Variants in MAPK10 observed in about 807,000 individuals in gnomAD.
MAPK10 encodes the protein mitogen-activated protein kinase 10.
MAPK10 carries 25 observed loss-of-function variants against 59.3 expected under a neutral mutation model. The ratio of observed to expected loss-of-function variants is 0.42; its 90% CI spans 0.31 to 0.59. MAPK10 has a LOEUF of 0.59. MAPK10 is among the 20% of genes least tolerant of loss of function. The pLI is 0.15. For missense variants in MAPK10, 351 were observed against 568.9 expected, an observed-to-expected ratio of 0.62 and a Z score of 3.90; for synonymous variants, 190 against 200.5, an observed-to-expected ratio of 0.95 and a Z score of 0.44.
intron 11 of MAPK10, among the ~76,000 whole-genome samples, chr4:86,037,340 G>A (rs1578942491): frequency 6.6e-6 from 1 of 152,078 alleles, no homozygotes; most frequent in South Asian, 2.1e-4. Context: ...CTAACACAGT[G>A]AAACCCCATC....
chr4:86,384,049 CAGA>C (rs1194958355), intron 1 of MAPK10: 1 of 152,154 alleles, frequency 6.6e-6, no homozygotes, highest in African/African-American at 2.4e-5. Flanking sequence ...ATAGTTTCTA[CAGA>C]ACATTTAAAT....
intron 11 of MAPK10, among the ~76,000 whole-genome samples, chr4:86,063,407 T>C (rs954407101): frequency 3.3e-5 from 5 of 152,114 alleles, no homozygotes; most frequent in African/African-American, 1.2e-4. Flanking sequence ...TGTAAAAAAA[T>C]ATGAGATGCT....
At chr4:86,074,031 GTC>G (rs2048652411) in intron 9 of MAPK10, among the ~76,000 whole-genome samples, 2 of 94,924 alleles carry the variant, frequency 2.1e-5, no homozygotes, top group Non-Finnish European at 4.4e-5. Context: ...GGGAGTCTAA[GTC>G]TCTTTGTAGG....
At chr4:86,079,801 A>G (rs183273311) in intron 9 of MAPK10, 41 of 151,682 alleles carry the variant, frequency 2.7e-4, no homozygotes, top group Admixed American at 2.1e-3. Flanking sequence ...ACTACATACA[A>G]TGGAAGTTAA....
intron 2 of MAPK10, among the ~76,000 whole-genome samples, chr4:86,292,801 G>A (rs1334980651): frequency 6.6e-6 from 1 of 152,190 alleles, no homozygotes; most frequent in African/African-American, 2.4e-5. Context: ...TTTGGCCAAG[G>A]AGATGATATT....
intron 2 of MAPK10, among the ~76,000 whole-genome samples, chr4:86,336,945 C>T (rs1189472264): frequency 6.6e-5 from 10 of 151,958 alleles, no homozygotes; most frequent in Admixed American, 2.0e-4. Flanking sequence ...CGCCCGCCAC[C>T]GCGCCTGCTA....
intron 6 of MAPK10, 44 bp downstream of exon 6, chr4:86,103,142 C>G: frequency 7.3e-7 from 1 of 1,377,776 alleles, no homozygotes; most frequent in Non-Finnish European, 1.0e-6. Context: ...CTTGGGCTAT[C>G]TGAGTGCTGT....
At chr4:86,530,788 T>G (rs1378998816) in intron 1 of MAPK10, among the ~76,000 whole-genome samples, 1 of 152,158 alleles carries the variant, frequency 6.6e-6, no homozygotes, top group African/African-American at 2.4e-5. Context: ...TTTCAATAAA[T>G]GAATTTGGGG....
chr4:86,109,643 CA>C (rs1368438764), intron 4 of MAPK10, among the ~76,000 whole-genome samples: 10 of 152,170 alleles, frequency 6.6e-5, no homozygotes, highest in Admixed American at 6.5e-4. Context: ...CATTGATGGG[CA>C]TTTGGGTTGA....
intron 2 of MAPK10, among the ~76,000 whole-genome samples, chr4:86,294,673 C>T (rs2095312008): frequency 6.6e-6 from 1 of 152,120 alleles, no homozygotes; most frequent in Admixed American, 6.5e-5. Context: ...AGCTCTAAAG[C>T]ACTAGGATAG....
chr4:86,461,753 A>C (rs1352831517), intron 1 of MAPK10, among the ~76,000 whole-genome samples: 1 of 152,170 alleles, frequency 6.6e-6, no homozygotes, highest in Non-Finnish European at 1.5e-5. Flanking sequence ...ATTTTGAAGA[A>C]AAAGAGTGGC....
intron 1 of MAPK10, among the ~76,000 whole-genome samples, chr4:86,569,452 T>G (rs1321471040): frequency 6.6e-6 from 1 of 152,118 alleles, no homozygotes; most frequent in African/African-American, 2.4e-5. Context: ...GTACTGGGTA[T>G]CTACCCAAAG....
At chr4:86,396,991 G>A (rs934139344) in intron 1 of MAPK10, among the ~76,000 whole-genome samples, 1 of 152,034 alleles carries the variant, frequency 6.6e-6, no homozygotes, top group Non-Finnish European at 1.5e-5. Flanking sequence ...ACTTTTTAAT[G>A]TGGTTACTAG....
intron 3 of MAPK10, among the ~76,000 whole-genome samples, chr4:86,189,935 T>G (rs568894894): frequency 1.9e-4 from 29 of 152,318 alleles, no homozygotes; most frequent in Non-Finnish European, 4.1e-4. Context: ...GTGCCTAGTT[T>G]ATTGAGAGTT....
chr4:86,131,361 T>G (rs2060973093), intron 4 of MAPK10, among the ~76,000 whole-genome samples: 1 of 152,136 alleles, frequency 6.6e-6, no homozygotes, highest in South Asian at 2.1e-4. Context: ...TGAAGAATTA[T>G]TACTGCAGAA....
At chr4:86,100,867 A>G (rs1264831448) in intron 8 of MAPK10, 185 bp downstream of exon 8, 2 of 523,464 alleles carry the variant, frequency 3.8e-6, no homozygotes, top group Non-Finnish European at 6.8e-6. Flanking sequence ...TGACTTCTCA[A>G]TAACATCCTT....
At chr4:86,509,079 T>C (rs74505000) in intron 1 of MAPK10, among the ~76,000 whole-genome samples, 7,349 of 152,240 alleles carry the variant, frequency 0.048, 233 homozygotes, top group African/African-American at 0.061. Flanking sequence ...ACTTTTTCAT[T>C]TGTGTTAAGA....
intron 2 of MAPK10, among the ~76,000 whole-genome samples, chr4:86,263,772 G>A (rs1032505639): frequency 6.6e-6 from 1 of 152,150 alleles, no homozygotes; most frequent in Non-Finnish European, 1.5e-5. Flanking sequence ...CTTTACCTGT[G>A]AGGTTTTTTG....
At chr4:86,467,237 G>C (rs1752281710) in intron 1 of MAPK10, among the ~76,000 whole-genome samples, 1 of 152,202 alleles carries the variant, frequency 6.6e-6, no homozygotes. Flanking sequence ...GGAGTCATTT[G>C]TGCCAAGTGT....
Sources: gnomAD v4.1 joint callset for allele counts (sites outside exome capture counted in the v4.1 genomes callset) on GRCh38, gnomAD v4.1.1 for gene constraint, MANE v1.5 for transcripts, NCBI Gene and HGNC (gene_info 2026-07-23, HGNC 2026-07-21) for gene names.